TRAF3IP1: variants seen among roughly 807,000 people sequenced by gnomAD.
TRAF3IP1 encodes the protein TRAF3-interacting protein 1.
TRAF3IP1 carries 53 observed loss-of-function variants against 89.9 expected under a neutral mutation model. The observed-to-expected ratio is 0.59, with a 90% CI of 0.47 to 0.74. The LOEUF is 0.74. TRAF3IP1 is among the 30% of genes least tolerant of loss of function. The pLI is 0.00. For missense variants in TRAF3IP1, 806 were observed against 866.1 expected (o/e 0.93, Z 0.87); for synonymous variants, 311 against 322.1 (o/e 0.97, Z 0.37).
chr2:238,352,263 G>A (rs1699205097), intron 12 of TRAF3IP1, among the ~76,000 whole-genome samples: 1 of 152,032 alleles, frequency 6.6e-6, no homozygotes, highest in Non-Finnish European at 1.5e-5. Context: ...GACTTGGGTG[G>A]AGCGCAGTGT....
At chr2:238,366,452 T>A (rs1021732436) in intron 15 of TRAF3IP1, among the ~76,000 whole-genome samples, 48 of 151,812 alleles carry the variant, frequency 3.2e-4, no homozygotes, top group African/African-American at 1.1e-3. Flanking sequence ...GAAAAAAAAA[T>A]AGATACACAT....
chr2:238,397,394 A>G, intron 15 of TRAF3IP1, 65 bp from the exon 16 acceptor site: 1 of 1,450,222 alleles, frequency 6.9e-7, no homozygotes, highest in Non-Finnish European at 9.6e-7. Context: ...TGCTGAGTGC[A>G]CCGGCCCTGT....
In TRAF3IP1 at chr2:238,325,958, C is replaced by T. The variant is rs1697810720; in HGVS notation, c.342C>T (p.Cys114=). ...AGCTGCTCCAGATAATTGGAAAATG[C>T]TGTCTCAACAAGGTACTACTGCTGT... ...TNELLQIIGK[C]CLNKLSSDDA... The change falls in exon 3 of 17, where the codon TGC becomes TGT. Residue 114 remains cysteine, a synonymous_variant. Transcript: ENST00000373327. The T allele has an allele frequency of 6.2e-7, 1 of 1,612,524 alleles. No individual in the cohort carries two copies. The highest frequency in any genetic ancestry group is 1.3e-5 in the African/African-American group (1 of 74,808).
intron 2 of TRAF3IP1, 108 bp from the exon 3 acceptor site, chr2:238,325,701 C>T: frequency 1.8e-6 from 2 of 1,124,102 alleles, no homozygotes; most frequent in Non-Finnish European, 2.5e-6. Context: ...TATCTAAAAA[C>T]AGCTTTGTAT....
At chr2:238,373,136 A>G (rs1700176017) in intron 15 of TRAF3IP1, among the ~76,000 whole-genome samples, 1 of 152,126 alleles carries the variant, frequency 6.6e-6, no homozygotes, top group Admixed American at 6.5e-5. Context: ...CTTTAGTTTA[A>G]TTAGATCCCG....
intron 15 of TRAF3IP1, among the ~76,000 whole-genome samples, chr2:238,394,147 G>A (rs934345908): frequency 1.3e-5 from 2 of 152,182 alleles, no homozygotes; most frequent in Non-Finnish European, 2.9e-5. Context: ...AATGAGCCAA[G>A]ATCACACAAC....
chr2:238,376,548 G>A (rs144760086), intron 15 of TRAF3IP1, among the ~76,000 whole-genome samples: 1 of 152,236 alleles, frequency 6.6e-6, no homozygotes, highest in Non-Finnish European at 1.5e-5. Flanking sequence ...ACCCTCTTGG[G>A]ATTTCAGTTG....
At chr2:238,380,870 T>C (rs1407870579) in intron 15 of TRAF3IP1, among the ~76,000 whole-genome samples, 1 of 152,182 alleles carries the variant, frequency 6.6e-6, no homozygotes, top group Non-Finnish European at 1.5e-5. Flanking sequence ...TGAGTCAATG[T>C]TTAAATGTGA....
intron 6 of TRAF3IP1, 35 bp downstream of exon 6, chr2:238,332,930 A>C: frequency 6.6e-7 from 1 of 1,507,318 alleles, no homozygotes. Flanking sequence ...AGAGATGTCA[A>C]CTTGTAGCTG....
intron 8 of TRAF3IP1, 69 bp from the exon 9 acceptor site, chr2:238,344,428 A>T (rs1698796969): frequency 8.0e-7 from 1 of 1,243,912 alleles, no homozygotes; most frequent in Admixed American, 1.8e-5. Context: ...CTCTATGTTA[A>T]TGAAGCCGCT....
At chr2:238,364,163 G>A (rs1699777405) in intron 15 of TRAF3IP1, among the ~76,000 whole-genome samples, 1 of 151,938 alleles carries the variant, frequency 6.6e-6, no homozygotes, top group South Asian at 2.1e-4. Context: ...TATTTTTTTG[G>A]AGGATTTTTT....
rs115863294 is a variant in TRAF3IP1, at chr2:238,349,688, C to T, written c.1451+280C>T. ...ACCCCTAGATTGAAGACTTTCTAAGCGTGAAAACAATAGGGGAATTAGGAA... is the reference window on the plus strand; with the variant it reads ...ACCCCTAGATTGAAGACTTTCTAAGTGTGAAAACAATAGGGGAATTAGGAA... On this transcript the variant is annotated intron_variant, in intron 12 of 16. Coordinates refer to ENST00000373327, the MANE Select transcript of TRAF3IP1 (RefSeq NM_015650.4). Among the ~76,000 whole-genome samples, 1,627 of 152,134 alleles carry T rather than the reference C, an allele frequency of 0.011. 11 individuals are homozygous for T. Among genetic ancestry groups the T allele is most frequent in the Non-Finnish European group, 0.018 (1,226 of 67,996 alleles).
chr2:238,377,528 A>G (rs905050555), intron 15 of TRAF3IP1, among the ~76,000 whole-genome samples: 1 of 152,094 alleles, frequency 6.6e-6, no homozygotes, highest in Non-Finnish European at 1.5e-5. Context: ...AGCTTTTCTA[A>G]TATGAAACAG....
intron 12 of TRAF3IP1, among the ~76,000 whole-genome samples, chr2:238,350,471 C>T (rs1003831345): frequency 6.6e-6 from 1 of 152,016 alleles, no homozygotes; most frequent in Admixed American, 6.6e-5. Context: ...AGAGGAGTGT[C>T]AGAGGAGAGA....
chr2:238,380,483 T>C (rs1306051607), intron 15 of TRAF3IP1, among the ~76,000 whole-genome samples: 1 of 152,186 alleles, frequency 6.6e-6, no homozygotes, highest in African/African-American at 2.4e-5. Context: ...TTGAGGCAGA[T>C]CTTGCAGTAT....
chr2:238,347,688 C>T (rs1023435220), intron 10 of TRAF3IP1, among the ~76,000 whole-genome samples: 2 of 152,162 alleles, frequency 1.3e-5, no homozygotes, highest in Non-Finnish European at 2.9e-5. Flanking sequence ...AGTGCAATGG[C>T]ATGATCTCGG....
At chr2:238,347,422 G>A (rs1559368145) in intron 9 of TRAF3IP1, 33 bp from the exon 10 acceptor site, 4 of 1,613,528 alleles carry the variant, frequency 2.5e-6, no homozygotes, top group Non-Finnish European at 2.5e-6. Context: ...TTGACTACAC[G>A]AAAGCTAATT....
rs139852339 is a variant in TRAF3IP1, at chr2:238,397,476, G to T, written c.1707G>T (p.Glu569Asp). 2 of 1,612,950 alleles carry T rather than the reference G, an allele frequency of 1.2e-6. No individual in the cohort carries two copies. Residue 569 changes from glutamate (E) to aspartate (D), a missense_variant, in exon 16 of 17, where the codon GAG (glutamate) becomes GAT (aspartate). Coordinates refer to ENST00000373327, the MANE Select transcript of TRAF3IP1 (RefSeq NM_015650.4). ...GACTGTAGGAGCGATCTCTCTTTGA[G>T]TCGGCATGGAAGAAGGAGAAGGACA... ...KPGEKERSLF[E>D]SAWKKEKDIV...
At chr2:238,363,821 A>G (rs532077014) in intron 15 of TRAF3IP1, among the ~76,000 whole-genome samples, 2 of 152,122 alleles carry the variant, frequency 1.3e-5, no homozygotes, top group Admixed American at 6.6e-5. Context: ...TTAGCCGGAC[A>G]TGGTGGTGTG....
Sources: gnomAD v4.1 joint callset for allele counts (sites outside exome capture counted in the v4.1 genomes callset) on GRCh38, gnomAD v4.1.1 for gene constraint, MANE v1.5 for transcripts, NCBI Gene and HGNC (gene_info 2026-07-23, HGNC 2026-07-21) for gene names.